Variants in PXDNL observed in about 807,000 individuals in gnomAD.
PXDNL encodes the protein probable oxidoreductase PXDNL.
A neutral mutation model predicts 150.8 loss-of-function variants in PXDNL; 145 were observed. The ratio of observed to expected loss-of-function variants is 0.96; its 90% CI spans 0.84 to 1.10. PXDNL has a LOEUF of 1.10. Among genes scored for constraint, PXDNL ranks in the 50% least tolerant of loss-of-function variants. PXDNL has a pLI of 0.00. For synonymous variants in PXDNL, 757 were observed against 725.7 expected (o/e 1.04, Z -0.69); for missense variants, 2,087 against 1,873.9 (o/e 1.11, Z -2.10).
intron 19 of PXDNL, among the ~76,000 whole-genome samples, chr8:51,357,443 A>G (rs574649340): frequency 1.3e-5 from 2 of 152,340 alleles, no homozygotes; most frequent in South Asian, 4.1e-4. Flanking sequence ...AAGATAAGTA[A>G]TTATACAGAG....
chr8:51,324,778 G>A (rs1301520745), intron 21 of PXDNL, among the ~76,000 whole-genome samples: 2 of 151,964 alleles, frequency 1.3e-5, no homozygotes, highest in African/African-American at 4.8e-5. Flanking sequence ...TCTCCATCTT[G>A]TTTCCCTTTG....
intron 4 of PXDNL, among the ~76,000 whole-genome samples, chr8:51,505,285 G>T (rs1811261255): frequency 1.3e-5 from 2 of 152,056 alleles, no homozygotes; most frequent in African/African-American, 4.8e-5. Flanking sequence ...GTCAGAGAAT[G>T]ACAACAAAAA....
intron 6 of PXDNL, among the ~76,000 whole-genome samples, chr8:51,476,738 G>T (rs1810487788): frequency 6.6e-6 from 1 of 152,144 alleles, no homozygotes; most frequent in African/African-American, 2.4e-5. Context: ...TCTGTCTATG[G>T]TGGCAGTTGG....
Position 51,457,662 on chromosome 8 carries a change from G to T in PXDNL, c.818C>A (p.Ser273Ter). Residue 273 changes from serine (S) to a stop codon, truncating the protein, a stop_gained, in exon 9 of 23, where the codon TCA becomes TAA. Coordinates refer to ENST00000356297, the MANE Select transcript of PXDNL (RefSeq NM_144651.5). LOFTEE classifies it high-confidence loss of function. ...TCGAGTATCATCTTCCAAATCCAAT[G>T]AGTGGCTGGAAATATAGGTTATACA... ...PEIIWIHNNH[S>*]LDLEDDTRLN... is the part of the protein sequence containing the mutation. The T allele has an allele frequency of 6.2e-7, 1 of 1,611,708 alleles. No individual in the cohort carries two copies. Among genetic ancestry groups the T allele is most frequent in the South Asian group, 1.1e-5 (1 of 90,824 alleles).
intron 1 of PXDNL, among the ~76,000 whole-genome samples, chr8:51,799,673 A>AT (rs1033799455): frequency 2.0e-5 from 3 of 152,180 alleles, no homozygotes; most frequent in Non-Finnish European, 4.4e-5. Flanking sequence ...CAAAATATAG[A>AT]CCATGGCAAA....
rs1319431504 is a variant in PXDNL, at chr8:51,408,168, T to C, written c.3456A>G (p.Pro1152=). The part of the protein sequence containing the change: ...IQRGRDHGIP[P]YVDFRVFCNL... Reference sequence around the variant, plus strand: ...TACAGAAAACTCTGAAGTCAACATATGGTGGGATCCCGTGGTCTCTACCCC... The same window carrying C: ...TACAGAAAACTCTGAAGTCAACATACGGTGGGATCCCGTGGTCTCTACCCC... Residue 1152 remains proline, a synonymous_variant, in exon 17 of 23, where the codon CCA becomes CCG. Transcript: ENST00000356297. The C allele has an allele frequency of 6.2e-7, 1 of 1,613,906 alleles. No individual in the cohort carries two copies. The highest frequency in any genetic ancestry group is 8.5e-7 in the Non-Finnish European group (1 of 1,179,890).
At chr8:51,445,195 C>T (rs575036587) in intron 12 of PXDNL, among the ~76,000 whole-genome samples, 19 of 152,268 alleles carry the variant, frequency 1.2e-4, no homozygotes, top group African/African-American at 4.6e-4. Flanking sequence ...GTTGGGATTA[C>T]AGGTGTGAGC....
At chr8:51,348,471 T>C (rs1414962182) in intron 19 of PXDNL, among the ~76,000 whole-genome samples, 1 of 152,232 alleles carries the variant, frequency 6.6e-6, no homozygotes, top group Non-Finnish European at 1.5e-5. Flanking sequence ...TCATTTCTTT[T>C]AATTCACTTC....
intron 1 of PXDNL, among the ~76,000 whole-genome samples, chr8:51,761,922 T>C (rs2037170237): frequency 6.6e-6 from 1 of 152,220 alleles, no homozygotes; most frequent in Admixed American, 6.5e-5. Flanking sequence ...GTGAAATGTT[T>C]CTATACTCTG....
chr8:51,735,985 G>A (rs373164944), intron 1 of PXDNL, among the ~76,000 whole-genome samples: 4 of 152,178 alleles, frequency 2.6e-5, no homozygotes, highest in South Asian at 2.1e-4. Context: ...CCACCACACC[G>A]TAAACCTAAT....
intron 1 of PXDNL, among the ~76,000 whole-genome samples, chr8:51,764,864 T>G (rs1351416796): frequency 1.3e-5 from 2 of 152,240 alleles, no homozygotes; most frequent in Non-Finnish European, 2.9e-5. Flanking sequence ...TACTTGATCT[T>G]CTGCTTAGTT....
chr8:51,781,966 T>C (rs2037419696), intron 1 of PXDNL, among the ~76,000 whole-genome samples: 1 of 152,198 alleles, frequency 6.6e-6, no homozygotes, highest in Non-Finnish European at 1.5e-5. Flanking sequence ...CATCCTTAGC[T>C]ATGGCCTCCT....
intron 1 of PXDNL, among the ~76,000 whole-genome samples, chr8:51,702,371 G>A (rs1816274686): frequency 6.6e-6 from 1 of 152,154 alleles, no homozygotes; most frequent in Admixed American, 6.5e-5. Context: ...TTTAGGGTAA[G>A]AATTGAATGA....
At chr8:51,781,684 G>A (rs1311764223) in intron 1 of PXDNL, among the ~76,000 whole-genome samples, 1 of 152,234 alleles carries the variant, frequency 6.6e-6, no homozygotes, top group African/African-American at 2.4e-5. Context: ...AAAAGGCCAA[G>A]GAAAATATGT....
At chr8:51,782,521 TA>T (rs1409410918) in intron 1 of PXDNL, among the ~76,000 whole-genome samples, 1 of 152,256 alleles carries the variant, frequency 6.6e-6, no homozygotes, top group Non-Finnish European at 1.5e-5. Flanking sequence ...ATCTTCTGCC[TA>T]ATTATTGCTA....
intron 2 of PXDNL, among the ~76,000 whole-genome samples, chr8:51,621,463 T>C (rs1814251002): frequency 6.6e-6 from 1 of 150,744 alleles, no homozygotes; most frequent in Non-Finnish European, 1.5e-5. Context: ...TGTGTGTGTG[T>C]GTGTGTGTGT....
intron 2 of PXDNL, 81 bp from the exon 3 acceptor site, chr8:51,592,779 T>A: frequency 4.2e-6 from 4 of 944,176 alleles, no homozygotes; most frequent in Middle Eastern, 2.4e-4. Flanking sequence ...CTAAGTATAG[T>A]GCTTTACACA....
At chr8:51,471,679 A>AT (rs530501838) in intron 8 of PXDNL, among the ~76,000 whole-genome samples, 2,191 of 146,346 alleles carry the variant, frequency 0.015, 48 homozygotes, top group African/African-American at 0.05. Context: ...GAAATGCATA[A>AT]TTTTTTTTTT....
At chr8:51,582,425 C>T (rs1813229255) in intron 3 of PXDNL, among the ~76,000 whole-genome samples, 1 of 152,072 alleles carries the variant, frequency 6.6e-6, no homozygotes, top group Admixed American at 6.6e-5. Context: ...ATTCTCATGA[C>T]TAGAAAAAGA....
Sources: gnomAD v4.1 joint callset for allele counts (sites outside exome capture counted in the v4.1 genomes callset) on GRCh38, gnomAD v4.1.1 for gene constraint, MANE v1.5 for transcripts, NCBI Gene and HGNC (gene_info 2026-07-23, HGNC 2026-07-21) for gene names.